Variants in CDH10 observed in about 807,000 individuals in gnomAD.
The protein encoded by CDH10 is cadherin-10.
A neutral mutation model predicts 73.1 loss-of-function variants in CDH10; 30 were observed. The ratio of observed to expected loss-of-function variants is 0.41; its 90% CI spans 0.31 to 0.56. The LOEUF (loss-of-function observed/expected upper bound fraction) is 0.56. Among genes scored for constraint, CDH10 ranks in the 20% least tolerant of loss-of-function variants. CDH10 has a pLI of 0.27. For synonymous variants in CDH10, 345 were observed against 348.2 expected (o/e 0.99, Z 0.10); for missense variants, 815 against 973.7 (o/e 0.84, Z 2.17).
chr5:24,605,925 G>T (rs756310353), intron 1 of CDH10, among the ~76,000 whole-genome samples: 1 of 152,104 alleles, frequency 6.6e-6, no homozygotes, highest in African/African-American at 2.4e-5. Context: ...ATTGACACAC[G>T]GATGAATCTC....
intron 2 of CDH10, among the ~76,000 whole-genome samples, chr5:24,586,659 G>A (rs564974311): frequency 6.6e-6 from 1 of 151,220 alleles, no homozygotes; most frequent in South Asian, 2.1e-4. Context: ...TGGTCAGGCT[G>A]GTCTCGAACT....
intron 2 of CDH10, among the ~76,000 whole-genome samples, chr5:24,559,617 T>C (rs1363917035): frequency 6.6e-6 from 1 of 151,984 alleles, no homozygotes; most frequent in Admixed American, 6.6e-5. Context: ...GTTCTGATAT[T>C]GTGAAATTGT....
chr5:24,575,731 T>C (rs1579831167), intron 2 of CDH10, among the ~76,000 whole-genome samples: 2 of 152,290 alleles, frequency 1.3e-5, no homozygotes, highest in South Asian at 2.1e-4. Context: ...GTGATGGAAA[T>C]ATTCCTTTCC....
intron 2 of CDH10, 113 bp downstream of exon 2, chr5:24,593,147 G>T: frequency 1.6e-6 from 1 of 628,702 alleles, no homozygotes; most frequent in Non-Finnish European, 2.8e-6. Flanking sequence ...AATCCTTTAG[G>T]GAGATTTAAA....
At chr5:24,522,640 G>C (rs1193459478) in intron 5 of CDH10, among the ~76,000 whole-genome samples, 1 of 152,034 alleles carries the variant, frequency 6.6e-6, no homozygotes, top group East Asian at 1.9e-4. Flanking sequence ...AATGCTATAG[G>C]GCTGCTCACT....
chr5:24,496,607 C>T (rs1742297674), intron 9 of CDH10, among the ~76,000 whole-genome samples: 1 of 152,146 alleles, frequency 6.6e-6, no homozygotes, highest in Non-Finnish European at 1.5e-5. Context: ...GGATAATTGT[C>T]CATGTCGGTG....
chr5:24,638,481 T>C (rs991600214), intron 1 of CDH10, among the ~76,000 whole-genome samples: 2 of 151,796 alleles, frequency 1.3e-5, no homozygotes, highest in African/African-American at 4.8e-5. Flanking sequence ...CCTCTAAGTA[T>C]ATGTCTGTGC....
intron 2 of CDH10, among the ~76,000 whole-genome samples, chr5:24,549,412 C>T (rs1744463438): frequency 6.6e-6 from 1 of 152,056 alleles, no homozygotes; most frequent in South Asian, 2.1e-4. Context: ...CCCAGTTATA[C>T]TCAAAATTTT....
chr5:24,519,570 G>A (rs962762280), intron 5 of CDH10, among the ~76,000 whole-genome samples: 1 of 152,092 alleles, frequency 6.6e-6, no homozygotes, highest in Non-Finnish European at 1.5e-5. Context: ...ACTTACAGTG[G>A]AGGAAACATG....
At chr5:24,493,669 T>C (rs1178492299) in intron 9 of CDH10, among the ~76,000 whole-genome samples, 1 of 151,908 alleles carries the variant, frequency 6.6e-6, no homozygotes, top group East Asian at 1.9e-4. Flanking sequence ...GCACCTATCT[T>C]CCTTTTGTTC....
chr5:24,493,911 G>A (rs1449109638), intron 9 of CDH10, among the ~76,000 whole-genome samples: 1 of 151,818 alleles, frequency 6.6e-6, no homozygotes, highest in African/African-American at 2.4e-5. Context: ...AAAACATTAT[G>A]TCAAAAATCA....
intron 1 of CDH10, among the ~76,000 whole-genome samples, chr5:24,618,560 C>T (rs1030024274): frequency 3.9e-5 from 6 of 152,244 alleles, no homozygotes; most frequent in African/African-American, 1.2e-4. Context: ...TCCTTTTAAA[C>T]GCTGGCTCCT....
At chr5:24,632,377 T>C (rs1747732341) in intron 1 of CDH10, among the ~76,000 whole-genome samples, 1 of 152,172 alleles carries the variant, frequency 6.6e-6, no homozygotes, top group South Asian at 2.1e-4. Flanking sequence ...GAAGTTGAAA[T>C]AAATGCTTTA....
At chr5:24,597,731 A>G (rs1216334583) in intron 1 of CDH10, among the ~76,000 whole-genome samples, 1 of 151,938 alleles carries the variant, frequency 6.6e-6, no homozygotes, top group Non-Finnish European at 1.5e-5. Flanking sequence ...TTTCTCTATA[A>G]CCTGTTAATT....
chr5:24,577,087 A>C (rs1745636107), intron 2 of CDH10, among the ~76,000 whole-genome samples: 1 of 150,178 alleles, frequency 6.7e-6, no homozygotes, highest in Non-Finnish European at 1.5e-5. Context: ...AAAAAAAAAA[A>C]ACCAAAAACT....
chr5:24,593,258 A>G lies in CDH10; in HGVS notation c.231+2T>C. The G allele has an allele frequency of 6.6e-7, 1 of 1,524,716 alleles. No individual in the cohort carries two copies. Among genetic ancestry groups the G allele is most frequent in the East Asian group, 2.3e-5 (1 of 44,354 alleles). 94.4% of individuals were successfully genotyped at this position (1,524,716 alleles called of 1,614,324 possible). Reference sequence around the variant, plus strand: ...ACACGTGCCATTTTAACACAAGCTTACCTTGCCTACGTACTGATAATCAGA... The same window carrying G: ...ACACGTGCCATTTTAACACAAGCTTGCCTTGCCTACGTACTGATAATCAGA... On this transcript the variant is annotated splice_donor_variant, in intron 2 of 11. Transcript: ENST00000264463. LOFTEE classifies it high-confidence loss of function.
intron 1 of CDH10, among the ~76,000 whole-genome samples, chr5:24,603,009 C>G (rs763902572): frequency 6.6e-6 from 1 of 152,074 alleles, no homozygotes. Flanking sequence ...AATAACTTAT[C>G]TTGGGATTAC....
Position 24,635,745 on chromosome 5 carries a change from A to G in CDH10, c.-124+8849T>C, listed in dbSNP as rs1026933712. Among the ~76,000 whole-genome samples the G allele has an allele frequency of 6.6e-5, 10 of 152,100 alleles. No homozygotes were observed. The East Asian group carries it at 1.7e-3, about 27-fold the overall frequency. On this transcript the variant is annotated intron_variant, in intron 1 of 11. Coordinates refer to ENST00000264463, the MANE Select transcript of CDH10 (RefSeq NM_006727.5). ...CAATCATTAGAGAATGAATATATTT[A>G]TAAAAGTTTTATATTGAGCCCTTTC...
intron 1 of CDH10, among the ~76,000 whole-genome samples, chr5:24,609,541 A>G (rs1746874917): frequency 6.6e-6 from 1 of 152,206 alleles, no homozygotes; most frequent in African/African-American, 2.4e-5. Flanking sequence ...ACAGGACACT[A>G]TGAGAATATG....
Sources: allele counts gnomAD v4.1 joint callset (sites outside exome capture counted in the v4.1 genomes callset), GRCh38; gene constraint gnomAD v4.1.1; transcripts MANE v1.5; gene names NCBI Gene and HGNC (gene_info 2026-07-23, HGNC 2026-07-21).